The following ARHGAP21 variants were observed in gnomAD, a reference collection of about 807,000 sequenced individuals.
ARHGAP21 encodes rho GTPase-activating protein 21.
In ARHGAP21, 38 loss-of-function variants were observed where a neutral mutation model predicts 164.6. That is an observed-to-expected ratio of 0.23 (90% CI 0.18 to 0.30). The LOEUF (loss-of-function observed/expected upper bound fraction) is 0.30. Among genes scored for constraint, ARHGAP21 ranks in the 10% least tolerant of loss-of-function variants. The pLI is 1.00. For synonymous variants in ARHGAP21, 766 were observed against 857.9 expected (o/e 0.89, Z 1.87); for missense variants, 1,822 against 2,370.7 (o/e 0.77, Z 4.81).
rs1836030797 is a variant in ARHGAP21 at position 24,633,382 on chromosome 10, T to C, written c.440+20A>G. 1.3e-6 allele frequency: 2 copies of C among 1,554,044 alleles called. No individual in the cohort carries two copies. The highest frequency in any genetic ancestry group is 1.8e-6 in the Non-Finnish European group (2 of 1,130,294). On this transcript the variant is annotated intron_variant, in intron 6 of 25. Transcript: ENST00000396432. ...ATCTATAAAACCCATCTTTGGGTTT[T>C]AATGTTTTAAGACTCTTACCTGTTT...
Position 24,596,716 on chromosome 10 carries a change from A to G in ARHGAP21, c.3477+24T>C, listed in dbSNP as rs375598832. On this transcript the variant is annotated intron_variant, in intron 17 of 25. Transcript: ENST00000396432. ...AAAACTGAATTAATGACTTGAGGAA[A>G]TCCGGTGGGCTGGTGTCTCCTACCC... 1.0e-4 allele frequency: 168 copies of G among 1,613,288 alleles called. 1 individual carries two copies. In the African/African-American group the frequency reaches 2.0e-3, roughly 19 times the overall value.
intron 2 of ARHGAP21, among the ~76,000 whole-genome samples, chr10:24,708,825 T>C (rs1400859615): frequency 6.6e-6 from 1 of 152,244 alleles, no homozygotes; most frequent in Non-Finnish European, 1.5e-5. Context: ...CACATTGTCT[T>C]TGTCTATTCC....
At chr10:24,680,735 T>C (rs1039973021) in intron 2 of ARHGAP21, among the ~76,000 whole-genome samples, 1 of 152,194 alleles carries the variant, frequency 6.6e-6, no homozygotes, top group African/African-American at 2.4e-5. Context: ...CTCACCCACA[T>C]TGCCGCTGAT....
intron 2 of ARHGAP21, among the ~76,000 whole-genome samples, chr10:24,713,336 T>C (rs1301282652): frequency 1.3e-5 from 2 of 152,170 alleles, no homozygotes; most frequent in Admixed American, 1.3e-4. Context: ...ACATAGTAAG[T>C]AACCAATTCT....
intron 9 of ARHGAP21, among the ~76,000 whole-genome samples, chr10:24,611,060 A>T (rs1361482871): frequency 6.6e-6 from 1 of 152,206 alleles, no homozygotes; most frequent in African/African-American, 2.4e-5. Flanking sequence ...GTGTTCCGCA[A>T]GATAACTACA....
chr10:24,605,448 C>T (rs779300342), intron 11 of ARHGAP21, among the ~76,000 whole-genome samples: 6 of 152,104 alleles, frequency 3.9e-5, no homozygotes, highest in Non-Finnish European at 8.8e-5. Flanking sequence ...TTTTTGATAC[C>T]TTATAATGAG....
chr10:24,679,063 CT>C (rs1269680907), intron 2 of ARHGAP21, among the ~76,000 whole-genome samples: 1 of 152,190 alleles, frequency 6.6e-6, no homozygotes, highest in Non-Finnish European at 1.5e-5. Context: ...AATAAATATG[CT>C]ATGAACATTC....
At chr10:24,683,326 T>C (rs936900665) in intron 2 of ARHGAP21, among the ~76,000 whole-genome samples, 2 of 152,220 alleles carry the variant, frequency 1.3e-5, no homozygotes, top group African/African-American at 4.8e-5. Flanking sequence ...ACATGAGTCC[T>C]TTCTGCTGTA....
rs1482326149 is a variant in ARHGAP21 at position 24,697,876 on chromosome 10, T to TA, written c.63+23960dup. 1.8e-3 allele frequency among the ~76,000 whole-genome samples: 266 copies of TA among 150,782 alleles called. 1 individual carries two copies. Among genetic ancestry groups the TA allele is most frequent in the Non-Finnish European group, 5.5e-4 (37 of 67,664 alleles). The stretch of plus-strand genomic sequence containing the variant: ...ACTCCATCTCAAAAAAATAAAAAAA[T>TA]AAAAAAAATAAAAAAACCCGATGAG... On this transcript the variant is annotated intron_variant, in intron 2 of 25. Transcript: ENST00000396432.
At chr10:24,590,768 G>A (rs375369496) in intron 24 of ARHGAP21, 2 of 985,102 alleles carry the variant, frequency 2.0e-6, no homozygotes, top group Non-Finnish European at 2.4e-6. Context: ...TGAAAATGGT[G>A]CCCATTACCA....
At chr10:24,714,911 T>C (rs1845209918) in intron 2 of ARHGAP21, among the ~76,000 whole-genome samples, 1 of 151,654 alleles carries the variant, frequency 6.6e-6, no homozygotes, top group South Asian at 2.1e-4. Flanking sequence ...GCGCCTGTAG[T>C]CCCAGCTACT....
chr10:24,614,568 G>C (rs182715081), intron 9 of ARHGAP21, among the ~76,000 whole-genome samples: 1 of 151,882 alleles, frequency 6.6e-6, no homozygotes, highest in Non-Finnish European at 1.5e-5. Flanking sequence ...TGAGGCAGGC[G>C]GATCAGGAGT....
intron 9 of ARHGAP21, among the ~76,000 whole-genome samples, chr10:24,611,203 A>C (rs2077245176): frequency 6.6e-6 from 1 of 152,184 alleles, no homozygotes; most frequent in Admixed American, 6.5e-5. Flanking sequence ...AGACTGGCCA[A>C]GGGGCGAGAA....
chr10:24,609,960 T>C (rs2077183147), intron 9 of ARHGAP21, among the ~76,000 whole-genome samples: 1 of 152,242 alleles, frequency 6.6e-6, no homozygotes, highest in Non-Finnish European at 1.5e-5. Context: ...CCTAGGCATA[T>C]CACATACTAC....
intron 2 of ARHGAP21, among the ~76,000 whole-genome samples, chr10:24,673,096 T>G (rs12244642): frequency 0.033 from 5,060 of 152,282 alleles, 153 homozygotes; most frequent in African/African-American, 0.077. Flanking sequence ...GAAGACGCAG[T>G]ACTGTTACAA....
Position 24,633,495 on chromosome 10 carries a change from T to C in ARHGAP21, c.362-15A>G. 1.3e-6 allele frequency: 2 copies of C among 1,584,866 alleles called. No individual in the cohort carries two copies. Among genetic ancestry groups the C allele is most frequent in the Non-Finnish European group, 8.6e-7 (1 of 1,158,582 alleles). On this transcript the variant is annotated splice_polypyrimidine_tract_variant and intron_variant, in intron 5 of 25. Coordinates refer to ENST00000396432, the MANE Select transcript of ARHGAP21 (RefSeq NM_020824.4). ...AATTCGGTCACCTTCAAAGAGAAGT[T>C]AAAAAACAAATGAGAGATCCTGCAG...
chr10:24,705,875 G>A (rs921241631), intron 2 of ARHGAP21, among the ~76,000 whole-genome samples: 4 of 152,036 alleles, frequency 2.6e-5, no homozygotes, highest in Non-Finnish European at 4.4e-5. Context: ...TATTATCTAC[G>A]ATTAACAACA....
chr10:24,597,630 T>A (rs764742402), intron 15 of ARHGAP21, 47 bp from the exon 16 acceptor site: 8 of 1,602,030 alleles, frequency 5.0e-6, no homozygotes, highest in Admixed American at 3.4e-5. Flanking sequence ...AATCCCCCTC[T>A]ATCTATGGTT....
chr10:24,608,854 C>T (rs180787574), intron 9 of ARHGAP21, among the ~76,000 whole-genome samples: 20 of 151,840 alleles, frequency 1.3e-4, no homozygotes, highest in Admixed American at 1.2e-3. Context: ...ACTAAGTATA[C>T]GACAGTTTAC....
Sources: gnomAD v4.1 joint callset for allele counts (sites outside exome capture counted in the v4.1 genomes callset) on GRCh38, gnomAD v4.1.1 for gene constraint, MANE v1.5 for transcripts, NCBI Gene and HGNC (gene_info 2026-07-23, HGNC 2026-07-21) for gene names.